ACADM: variants seen among roughly 807,000 people sequenced by gnomAD.
ACADM encodes the protein acyl-CoA dehydrogenase medium chain.
A neutral mutation model predicts 58.9 loss-of-function variants in ACADM; 49 were observed. The observed-to-expected ratio is 0.83, with a 90% CI of 0.66 to 1.06. The LOEUF is 1.06. ACADM is among the 50% of genes least tolerant of loss of function. The pLI is 0.00. For missense variants in ACADM, 496 were observed against 507.0 expected, an observed-to-expected ratio of 0.98 and a Z score of 0.21; for synonymous variants, 160 against 157.7, an observed-to-expected ratio of 1.01 and a Z score of -0.11.
chr1:75,761,306 G>C lies in ACADM; in HGVS notation c.1130G>C (p.Gly377Ala). 2 of 1,613,972 alleles carry C rather than the reference G, an allele frequency of 1.2e-6. No individual in the cohort carries two copies. The highest frequency in any genetic ancestry group is 3.3e-5 in the Admixed American group (2 of 60,022). ...QLATDAVQIL[G>A]GNGFNTEYPV... ...GCTACTGATGCTGTGCAGATACTTG[G>C]AGGCAATGGATTTAATACAGAATAT... Residue 377 changes from glycine to alanine, a missense_variant, in exon 11 of 12, where the codon GGA becomes GCA. Coordinates refer to ENST00000370841, the MANE Select transcript of ACADM (RefSeq NM_000016.6).
chr1:75,732,452 G>A (rs1647163256), intron 2 of ACADM, 192 bp from the exon 3 acceptor site: 1 of 596,424 alleles, frequency 1.7e-6, no homozygotes, highest in Admixed American at 3.1e-5. Flanking sequence ...ATTTCCTTTA[G>A]CATTTGTATT....
intron 7 of ACADM, chr1:75,743,318 A>T: frequency 7.5e-7 from 1 of 1,325,600 alleles, no homozygotes; most frequent in Non-Finnish European, 1.0e-6. Flanking sequence ...GGCCAACAGC[A>T]TGTGCCTGTC....
intron 10 of ACADM, among the ~76,000 whole-genome samples, chr1:75,760,709 A>G (rs1036390030): frequency 1.3e-5 from 2 of 152,146 alleles, no homozygotes; most frequent in African/African-American, 4.8e-5. Context: ...AAGAAGAAAT[A>G]ACTAAATTCA....
At chr1:75,744,438 C>G in intron 7 of ACADM, 1 of 1,511,460 alleles carries the variant, frequency 6.6e-7, no homozygotes, top group Non-Finnish European at 9.2e-7. Context: ...ATGGAACCTG[C>G]ACCAATGTCT....
intron 8 of ACADM, among the ~76,000 whole-genome samples, chr1:75,747,693 G>GT (rs1166496951): frequency 1.3e-5 from 2 of 152,190 alleles, no homozygotes; most frequent in Non-Finnish European, 2.9e-5. Context: ...AGGCTGAAGT[G>GT]GGAGGATCAC....
intron 7 of ACADM, among the ~76,000 whole-genome samples, chr1:75,745,098 A>G (rs1029805853): frequency 2.6e-5 from 4 of 152,198 alleles, no homozygotes; most frequent in East Asian, 1.9e-4. Context: ...TCCTACACAT[A>G]TATACTTATT....
chr1:75,731,204 G>A (rs756787203), intron 2 of ACADM, among the ~76,000 whole-genome samples: 13 of 147,190 alleles, frequency 8.8e-5, no homozygotes, highest in Non-Finnish European at 1.0e-4. Context: ...GCGTGAACCC[G>A]GGAGGCGGAG....
chr1:75,744,619 C>T, intron 7 of ACADM: 1 of 1,108,110 alleles, frequency 9.0e-7, no homozygotes, highest in Non-Finnish European at 1.4e-6. Flanking sequence ...ACTGAAGACA[C>T]TGTTGTTAAT....
chr1:75,746,657 G>A (rs1277531077), intron 8 of ACADM, among the ~76,000 whole-genome samples: 2 of 147,468 alleles, frequency 1.4e-5, no homozygotes, highest in Non-Finnish European at 3.0e-5. Flanking sequence ...GGAGTGCAGT[G>A]GCAGGATCTC....
chr1:75,747,665 T>C (rs1188294275), intron 8 of ACADM, among the ~76,000 whole-genome samples: 1 of 152,180 alleles, frequency 6.6e-6, no homozygotes, highest in Non-Finnish European at 1.5e-5. Context: ...CGCACACCTG[T>C]AGTCCCAGCT....
chr1:75,752,670 G>A (rs866536706), intron 10 of ACADM, among the ~76,000 whole-genome samples: 2 of 151,828 alleles, frequency 1.3e-5, no homozygotes, highest in Non-Finnish European at 2.9e-5. Flanking sequence ...ACATCATACC[G>A]CCTTTTCCTT....
rs1352839401 is a variant in ACADM, at chr1:75,737,299, T to A, written c.468+2428T>A. 4.1e-5 allele frequency among the ~76,000 whole-genome samples: 4 copies of A among 96,956 alleles called. 1 individual carries two copies. The highest frequency in any genetic ancestry group is 1.5e-4 in the African/African-American group (4 of 26,708). The allele number at this position is 96,956 out of a possible 152,430, so 63.6% of individuals were successfully genotyped here. A position where few individuals can be genotyped will look rare whatever the true frequency, so the allele number is the denominator to read the frequency against. ...ACACAAATATATATATATATATATATATATATATATATATATATATATATA... is the reference window on the plus strand; with the variant it reads ...ACACAAATATATATATATATATATAAATATATATATATATATATATATATA... On this transcript the variant is annotated intron_variant, in intron 6 of 11. Coordinates refer to ENST00000370841, the MANE Select transcript of ACADM (RefSeq NM_000016.6).
intron 6 of ACADM, 113 bp downstream of exon 6, chr1:75,734,984 T>G (rs1382922547): frequency 1.2e-6 from 1 of 816,142 alleles, no homozygotes; most frequent in African/African-American, 1.7e-5. Context: ...AAACAAAACT[T>G]AGCAACATAT....
chr1:75,745,999 A>G (rs1647880697), intron 8 of ACADM, 85 bp downstream of exon 8: 3 of 927,592 alleles, frequency 3.2e-6, no homozygotes, highest in Admixed American at 2.0e-5. Flanking sequence ...TAATAAAAAC[A>G]TTTGTTTGTA....
chr1:75,755,370 A>G (rs1570900816), intron 10 of ACADM, among the ~76,000 whole-genome samples: 1 of 152,328 alleles, frequency 6.6e-6, no homozygotes, highest in African/African-American at 2.4e-5. Flanking sequence ...GTAGGGGCCG[A>G]TTGACACCTC....
intron 10 of ACADM, among the ~76,000 whole-genome samples, chr1:75,751,942 C>G (rs1648228172): frequency 6.6e-6 from 1 of 151,322 alleles, no homozygotes; most frequent in East Asian, 1.9e-4. Context: ...CCCCCATTAT[C>G]TGTATTCTTT....
intron 6 of ACADM, among the ~76,000 whole-genome samples, chr1:75,737,280 A>ATTT (rs1491309655): frequency 1.8e-4 from 1 of 5,446 alleles, no homozygotes; most frequent in African/African-American, 5.5e-4. Flanking sequence ...ACACACACAA[A>ATTT]TATATATATA....
chr1:75,727,696 G>A (rs1057059558), intron 1 of ACADM, among the ~76,000 whole-genome samples: 1 of 152,098 alleles, frequency 6.6e-6, no homozygotes, highest in Non-Finnish European at 1.5e-5. Flanking sequence ...GATGGCAAAC[G>A]TGTTTGTAAA....
chr1:75,743,273 CT>C, intron 7 of ACADM: 1 of 829,122 alleles, frequency 1.2e-6, no homozygotes, highest in Non-Finnish European at 1.9e-6. Context: ...AAAGCTGTGA[CT>C]GCTGGTTACA....
Sources: gnomAD v4.1 joint callset for allele counts (sites outside exome capture counted in the v4.1 genomes callset) on GRCh38, gnomAD v4.1.1 for gene constraint, MANE v1.5 for transcripts, NCBI Gene and HGNC (gene_info 2026-07-23, HGNC 2026-07-21) for gene names.